Variants in LYPD6B observed in about 807,000 individuals in gnomAD.
LYPD6B encodes LY6/PLAUR domain containing 6B, also known as ly6/PLAUR domain-containing protein 6B.
A neutral mutation model predicts 22.8 loss-of-function variants in LYPD6B; 17 were observed. That is an observed-to-expected ratio of 0.75 (90% CI 0.51 to 1.12). The LOEUF is 1.12. Ranked by LOEUF, LYPD6B falls within the 50% of genes most tolerant of loss-of-function variation. LYPD6B has a pLI of 0.00. For missense variants in LYPD6B, 221 were observed against 258.3 expected (o/e 0.86, Z 0.99); for synonymous variants, 106 against 91.6 (o/e 1.16, Z -0.90).
rs147055186 is a variant in LYPD6B, at chr2:149,082,883, G to A, written c.-67+44082G>A. On this transcript the variant is annotated intron_variant, in intron 1 of 6. Transcript: ENST00000409642. ...CTGACTGGGTACAGCCATAATTCAG[G>A]CCTCCCTTTCTACCCCATTGCCTGT... is the stretch of plus-strand genomic sequence containing the variant. Among the ~76,000 whole-genome samples, 405 of 152,264 alleles carry A rather than the reference G, an allele frequency of 2.7e-3. 3 individuals are homozygous for A. The highest frequency in any genetic ancestry group is 0.017 in the Middle Eastern group (5 of 294).
At chr2:149,094,155 G>A (rs909200299) in intron 1 of LYPD6B, among the ~76,000 whole-genome samples, 3 of 152,058 alleles carry the variant, frequency 2.0e-5, no homozygotes, top group African/African-American at 7.2e-5. Flanking sequence ...AATTATTTTT[G>A]GTCCCTATGT....
chr2:149,175,061 C>CTCTCTCTCTCTGTGTG (rs1454802925), intron 3 of LYPD6B, among the ~76,000 whole-genome samples: 2,031 of 112,580 alleles, frequency 0.018, 43 homozygotes, highest in East Asian at 0.034. Flanking sequence ...CTCTCTCTCT[C>CTCTCTCTCTCTGTGTG]TGTGTGTGTG....
At position 149,039,960 on chromosome 2, in the gene LYPD6B, A is replaced by G. The variant is rs1163692543; in HGVS notation, c.-67+1159A>G. ...TGTAGAAATTGATTGGGTCACATAA[A>G]TGAAAAGGTCGAGGGTTTCAGTTTA... On this transcript the variant is annotated intron_variant, in intron 1 of 6. Coordinates refer to ENST00000409642, the MANE Select transcript of LYPD6B (RefSeq NM_177964.5). Among the ~76,000 whole-genome samples, 4 of 152,328 alleles carry G rather than the reference A, an allele frequency of 2.6e-5. No homozygotes were observed. The East Asian group carries it at 7.7e-4, about 29-fold the overall frequency.
intron 2 of LYPD6B, among the ~76,000 whole-genome samples, chr2:149,146,682 A>C (rs1346451395): frequency 2.0e-5 from 3 of 151,666 alleles, no homozygotes; most frequent in African/African-American, 4.8e-5. Flanking sequence ...TGGCCGAACT[A>C]TGGCTATTGG....
rs77173210 is a variant in LYPD6B at position 149,149,669 on chromosome 2, T to G, written c.6-11095T>G. ...ACGTGTGTTCCTTGATTAAATTCTT[T>G]TCTCACCCTCCCCGACCCTGCTTCA... On this transcript the variant is annotated intron_variant, in intron 2 of 6. Transcript: ENST00000409642. Among the ~76,000 whole-genome samples the G allele has an allele frequency of 6.2e-3, 951 of 152,316 alleles. 11 individuals are homozygous for G. The highest frequency in any genetic ancestry group is 0.022 in the African/African-American group (914 of 41,566).
chr2:149,200,153 GC>G, intron 3 of LYPD6B, among the ~76,000 whole-genome samples: 2 of 152,332 alleles, frequency 1.3e-5, no homozygotes, highest in East Asian at 3.9e-4. Context: ...GATAAGTGGT[GC>G]TTGCAGGAAG....
chr2:149,107,910 T>C (rs1011989517), intron 1 of LYPD6B, among the ~76,000 whole-genome samples: 1 of 152,174 alleles, frequency 6.6e-6, no homozygotes, highest in Non-Finnish European at 1.5e-5. Flanking sequence ...TTACTAATTG[T>C]TTTTCTACTT....
At chr2:149,182,800 G>A (rs1422626265) in intron 3 of LYPD6B, among the ~76,000 whole-genome samples, 1 of 152,216 alleles carries the variant, frequency 6.6e-6, no homozygotes, top group African/African-American at 2.4e-5. Flanking sequence ...AGGGTCAAGG[G>A]ATTATGTATT....
chr2:149,145,519 G>A (rs1029407435), intron 2 of LYPD6B, among the ~76,000 whole-genome samples: 3 of 152,174 alleles, frequency 2.0e-5, no homozygotes, highest in African/African-American at 7.2e-5. Context: ...GATGCCTTCC[G>A]GCAAGCCTGA....
rs575727101 is a variant in LYPD6B, at chr2:149,163,514, C to T, written c.77+2679C>T. Among the ~76,000 whole-genome samples, 316 of 152,264 alleles carry T rather than the reference C, an allele frequency of 2.1e-3. 2 individuals carry two copies. Among genetic ancestry groups the T allele is most frequent in the African/African-American group, 7.5e-3 (311 of 41,544 alleles). On this transcript the variant is annotated intron_variant, in intron 3 of 6. Transcript: ENST00000409642. ...TAAGAACCTTTAGCATCATGGCTGT[C>T]CAGCTTATCAAATAATTGAGTAAGA...
chr2:149,210,405 C>T (rs1302957465), intron 5 of LYPD6B, among the ~76,000 whole-genome samples: 1 of 152,142 alleles, frequency 6.6e-6, no homozygotes. Flanking sequence ...TGCATTCCAG[C>T]ATGGCATGAT....
chr2:149,066,493 A>G (rs1478669536), intron 1 of LYPD6B, among the ~76,000 whole-genome samples: 2 of 152,024 alleles, frequency 1.3e-5, no homozygotes, highest in Non-Finnish European at 2.9e-5. Context: ...ATGTCCCTAC[A>G]AAGGACATGA....
chr2:149,085,558 A>G (rs1451452054), intron 1 of LYPD6B, among the ~76,000 whole-genome samples: 2 of 152,242 alleles, frequency 1.3e-5, no homozygotes, highest in Admixed American at 1.3e-4. Flanking sequence ...TTCTGCTTGC[A>G]TAAGAGTTGA....
At chr2:149,189,579 G>A (rs911708410) in intron 3 of LYPD6B, among the ~76,000 whole-genome samples, 1 of 151,734 alleles carries the variant, frequency 6.6e-6, no homozygotes. Flanking sequence ...AAAAAAGTTG[G>A]TGCCTGTTGG....
chr2:149,040,193 GTCTC>G (rs1420017567), intron 1 of LYPD6B, among the ~76,000 whole-genome samples: 3 of 113,354 alleles, frequency 2.6e-5, no homozygotes, highest in Non-Finnish European at 3.6e-5. Flanking sequence ...CCGTATAGCA[GTCTC>G]TCTCTGTCTC....
In LYPD6B at chr2:149,214,630, G is replaced by A. The variant is rs1277108132; in HGVS notation, c.544G>A (p.Ala182Thr). ...TAATGCAGTGTTTGCCGTAATGCACGCTCAGAGAACATCTGGCAGCAGTGC... is the reference window on the plus strand; with the variant it reads ...TAATGCAGTGTTTGCCGTAATGCACACTCAGAGAACATCTGGCAGCAGTGC... Reference protein sequence around the residue: ...HTNAVFAVMHAQRTSGSSAPT... With the variant: ...HTNAVFAVMHTQRTSGSSAPT... Residue 182 changes from alanine (A) to threonine (T), a missense_variant, in exon 7 of 7, where the codon GCT (alanine) becomes ACT (threonine). Coordinates refer to ENST00000409642, the MANE Select transcript of LYPD6B (RefSeq NM_177964.5). 7 of 1,613,752 alleles carry A rather than the reference G, an allele frequency of 4.3e-6. No homozygotes were observed. Among genetic ancestry groups the A allele is most frequent in the African/African-American group, 1.3e-5 (1 of 74,904 alleles).
At chr2:149,160,520 G>A (rs1486625153) in intron 2 of LYPD6B, 1 of 614,754 alleles carries the variant, frequency 1.6e-6, no homozygotes, top group South Asian at 1.5e-5. Flanking sequence ...TTAATTAGAT[G>A]GGGCCCAGGT....
chr2:149,185,718 A>G (rs936407033), intron 3 of LYPD6B, among the ~76,000 whole-genome samples: 1 of 152,190 alleles, frequency 6.6e-6, no homozygotes, highest in African/African-American at 2.4e-5. Flanking sequence ...AGGTTTATGG[A>G]AAGGTTTAAG....
At chr2:149,085,463 A>G (rs1472632595) in intron 1 of LYPD6B, among the ~76,000 whole-genome samples, 2 of 152,248 alleles carry the variant, frequency 1.3e-5, no homozygotes, top group Non-Finnish European at 2.9e-5. Flanking sequence ...GGGTGGCTTA[A>G]TAGAATTGTT....
Sources: allele counts gnomAD v4.1 joint callset (sites outside exome capture counted in the v4.1 genomes callset), GRCh38; gene constraint gnomAD v4.1.1; transcripts MANE v1.5; gene names NCBI Gene and HGNC (gene_info 2026-07-23, HGNC 2026-07-21).